Variants in SEC16B observed in about 807,000 individuals in gnomAD.
SEC16B encodes SEC16 homolog B, endoplasmic reticulum export factor, also known as protein transport protein Sec16B.
SEC16B carries 115 observed loss-of-function variants against 141.8 expected under a neutral mutation model. The observed-to-expected ratio is 0.81, with a 90% CI of 0.70 to 0.95. The LOEUF (loss-of-function observed/expected upper bound fraction) is 0.95. Ranked by LOEUF, SEC16B falls within the 40% of genes least tolerant of loss-of-function variation. The pLI is 0.00. For missense variants in SEC16B, 1,291 were observed against 1,312.3 expected (o/e 0.98, Z 0.25); for synonymous variants, 493 against 492.5 (o/e 1.00, Z -0.01).
upstream of SEC16B, among the ~76,000 whole-genome samples, chr1:177,975,115 A>G (rs1233336461): frequency 6.6e-6 from 1 of 152,214 alleles, no homozygotes; most frequent in Non-Finnish European, 1.5e-5. Flanking sequence ...TGGAATGGCC[A>G]GTGTGGAATA....
At chr1:177,958,738 T>C in intron 9 of SEC16B, 102 bp downstream of exon 9, 1 of 1,421,446 alleles carries the variant, frequency 7.0e-7, no homozygotes, top group Non-Finnish European at 9.3e-7. Context: ...TGTGGCTTCT[T>C]TAATATTGCT....
chr1:177,981,427 A>G (rs185239089), intron 1 of SEC16B, among the ~76,000 whole-genome samples: 1 of 152,290 alleles, frequency 6.6e-6, no homozygotes, highest in East Asian at 1.9e-4. Context: ...CTACTGTGAA[A>G]GAAGGATGTT....
In SEC16B at chr1:177,937,498, T is replaced by G. The variant is rs201888749; in HGVS notation, c.2219A>C (p.Gln740Pro). 3.6e-4 allele frequency: 559 copies of G among 1,549,528 alleles called. 2 individuals are homozygous for G. The African/African-American group carries it at 6.0e-3, about 17-fold the overall frequency. Residue 740 changes from glutamine (Q) to proline (P), a missense_variant, in exon 19 of 26, where the codon CAG becomes CCG. Gln to Pro is a moderately conservative substitution (Grantham distance 76, BLOSUM62 -1). Transcript: ENST00000308284. Reference sequence around the variant, plus strand: ...GTAGCCTTGACATCCAGAAAAGTCCTGGTAGAAAGTGTTTTCTAAGGACGT... The same window carrying G: ...GTAGCCTTGACATCCAGAAAAGTCCGGGTAGAAAGTGTTTTCTAAGGACGT... ...GGTTTENTFYQDFSGCQGYSE... is the reference protein window; with the variant it reads ...GGTTTENTFYPDFSGCQGYSE...
intron 2 of SEC16B, among the ~76,000 whole-genome samples, chr1:177,966,784 A>T (rs1262156297): frequency 6.6e-6 from 1 of 152,098 alleles, no homozygotes; most frequent in Non-Finnish European, 1.5e-5. Context: ...CATGTTGACC[A>T]GGCTGGTCTC....
At chr1:177,958,502 G>A in intron 9 of SEC16B, 140 bp from the exon 10 acceptor site, 1 of 654,532 alleles carries the variant, frequency 1.5e-6, no homozygotes, top group Admixed American at 3.4e-5. Context: ...TCCTTTGTTA[G>A]ATTGCTATAT....
chr1:177,975,164 A>G (rs1053340848), upstream of SEC16B, among the ~76,000 whole-genome samples: 1 of 152,236 alleles, frequency 6.6e-6, no homozygotes, highest in African/African-American at 2.4e-5. Flanking sequence ...GCTCAGAGTA[A>G]CAAGTGGGCT....
At chr1:177,961,355 C>A in intron 6 of SEC16B, 1 of 521,774 alleles carries the variant, frequency 1.9e-6, no homozygotes, top group Non-Finnish European at 3.3e-6. Flanking sequence ...TGCCTCCTTT[C>A]CCAACTTGAT....
chr1:177,974,890 G>T (rs1458372793), upstream of SEC16B, among the ~76,000 whole-genome samples: 1 of 152,184 alleles, frequency 6.6e-6, no homozygotes, highest in East Asian at 1.9e-4. Flanking sequence ...CATCACATGG[G>T]ATCCAGAGCA....
Position 177,961,692 on chromosome 1 carries a change from A to T in SEC16B, c.685T>A (p.Ser229Thr), listed in dbSNP as rs770069106. Reference sequence around the variant, plus strand: ...TCATAGCTGCTGGAGCTGAGACCAGACTCACGCTGCTGGAGAAGGTTGGAC... The same window carrying T: ...TCATAGCTGCTGGAGCTGAGACCAGTCTCACGCTGCTGGAGAAGGTTGGAC... The part of the protein sequence containing the change: ...SESNLLQQRE[S>T]GLSSSSYELS... Residue 229 changes from serine (S) to threonine (T), a missense_variant, in exon 6 of 26, where the codon TCT (serine) becomes ACT (threonine). Physicochemically the swap from Ser to Thr is moderately conservative, Grantham distance 58. Around this residue, in one of 3 missense-constraint regions of SEC16B, gnomAD observed 681 missense variants for 675.5 expected, o/e 1.01. Coordinates refer to ENST00000308284, the MANE Select transcript of SEC16B (RefSeq NM_033127.4). The T allele has an allele frequency of 2.5e-6, 4 of 1,613,950 alleles. No homozygotes were observed. Among genetic ancestry groups the T allele is most frequent in the Non-Finnish European group, 3.4e-6 (4 of 1,179,878 alleles).
At position 177,932,348 on chromosome 1, in the gene SEC16B, T is replaced by C. The variant is rs1397869549; in HGVS notation, c.3012+142A>G. On this transcript the variant is annotated intron_variant, in intron 24 of 25. Transcript: ENST00000308284. ...TGAGCCTCTGTTCTGTGGTACTTTG[T>C]TATGACAGCCTGAGCAAACTAACAC... 5 of 590,466 alleles carry C rather than the reference T, an allele frequency of 8.5e-6. No individual in the cohort carries two copies. The Admixed American group carries it at 1.5e-4, about 18-fold the overall frequency. The allele number at this position is 590,466 out of a possible 1,614,324, so 36.6% of individuals were successfully genotyped here.
chr1:177,977,420 T>C lies in SEC16B; in HGVS notation c.-59+6786A>G, dbSNP rs79784809. Among the ~76,000 whole-genome samples, 9 of 152,282 alleles carry C rather than the reference T, an allele frequency of 5.9e-5. No homozygotes were observed. The East Asian group carries it at 9.6e-4, about 16-fold the overall frequency. ...GTCATAGAACTTCAACTACTCTCTA[T>C]TGCTGGATAAAAAATATCATATTAT... On this transcript the variant is annotated intron_variant and NMD_transcript_variant, in intron 1 of 24. Coordinates refer to the SEC16B transcript ENST00000528461.
At position 177,929,285 on chromosome 1, in the gene SEC16B, C is replaced by CA. The variant is rs1650243177; in HGVS notation, c.*572dup. ...AAATATAATTAATCTGAACCACATT[C>CA]AAAAAAATGTGCACAAAACTAGGAC... On this transcript the variant is annotated 3_prime_UTR_variant, in exon 26 of 26. Coordinates refer to ENST00000308284, the MANE Select transcript of SEC16B (RefSeq NM_033127.4). 1 of 154,338 alleles carries CA rather than the reference C, an allele frequency of 6.5e-6. No individual in the cohort carries two copies. The highest frequency in any genetic ancestry group is 2.4e-5 in the African/African-American group (1 of 41,318). The allele number at this position is 154,338 out of a possible 1,614,324, so 9.6% of individuals were successfully genotyped here. A position where few individuals can be genotyped will look rare whatever the true frequency, so the allele number is the denominator to read the frequency against.
chr1:177,944,897 C>A (rs1180952027), intron 14 of SEC16B, among the ~76,000 whole-genome samples: 1 of 152,150 alleles, frequency 6.6e-6, no homozygotes, highest in African/African-American at 2.4e-5. Context: ...CAGAACTCTG[C>A]ACCAGAGGCA....
chr1:177,945,951 G>A (rs1170575489), intron 14 of SEC16B: 1 of 240,490 alleles, frequency 4.2e-6, no homozygotes, highest in Admixed American at 5.2e-5. Flanking sequence ...ACTCTAAGTA[G>A]CTTGTGCACC....
chr1:177,938,382 T>C (rs144313603), intron 18 of SEC16B, among the ~76,000 whole-genome samples: 402 of 152,338 alleles, frequency 2.6e-3, no homozygotes, highest in Non-Finnish European at 4.5e-3. Context: ...GGTCATGTGT[T>C]ACACGCACAT....
intron 2 of SEC16B, among the ~76,000 whole-genome samples, chr1:177,966,339 T>A (rs1025689689): frequency 1.3e-5 from 2 of 152,206 alleles, no homozygotes; most frequent in African/African-American, 4.8e-5. Context: ...AACTCCATCC[T>A]GATATTATCT....
At chr1:177,983,822 C>T (rs1654520641) in intron 1 of SEC16B, among the ~76,000 whole-genome samples, 1 of 152,216 alleles carries the variant, frequency 6.6e-6, no homozygotes, top group Non-Finnish European at 1.5e-5. Flanking sequence ...ACTGTAACTG[C>T]TAAGCTTCCT....
At chr1:177,937,884 C>T (rs1304220577) in intron 18 of SEC16B, among the ~76,000 whole-genome samples, 2 of 152,066 alleles carry the variant, frequency 1.3e-5, no homozygotes, top group Admixed American at 6.5e-5. Context: ...CTCTCTTTTG[C>T]AGTTTAGACA....
chr1:177,969,480 G>C (rs1178280148), intron 1 of SEC16B, among the ~76,000 whole-genome samples: 1 of 152,192 alleles, frequency 6.6e-6, no homozygotes, highest in Non-Finnish European at 1.5e-5. Context: ...ACACAGGGAA[G>C]GGCACATGAG....
Sources: allele counts gnomAD v4.1 joint callset (sites outside exome capture counted in the v4.1 genomes callset), GRCh38; gene constraint gnomAD v4.1.1; regional missense constraint gnomAD v4.1.1; transcripts MANE v1.5; gene names NCBI Gene and HGNC (gene_info 2026-07-23, HGNC 2026-07-21).